CDNF: variants seen among roughly 807,000 people sequenced by gnomAD.
CDNF encodes the protein ARMET-like protein 1.
A neutral mutation model predicts 14.8 loss-of-function variants in CDNF; 9 were observed. That is an observed-to-expected ratio of 0.61 (90% CI 0.37 to 1.06). The LOEUF (loss-of-function observed/expected upper bound fraction) is 1.06, where lower values mean the gene tolerates loss of function less well. Among genes scored for constraint, CDNF ranks in the 50% least tolerant of loss-of-function variants. CDNF has a pLI of 0.01. For missense variants in CDNF, 228 were observed against 228.4 expected (o/e 1.00, Z 0.01); for synonymous variants, 86 against 87.2 (o/e 0.99, Z 0.07).
Position 14,828,128 on chromosome 10 carries a change from G to C in CDNF, c.243+17C>G, listed in dbSNP as rs1397469678. On this transcript the variant is annotated intron_variant, in intron 2 of 3. Coordinates refer to ENST00000465530, the MANE Select transcript of CDNF (RefSeq NM_001029954.3). ...CTTCAAGCACATGGGGAAAATGAAA[G>C]GTGAAATTTACTATACCAGGCGGTT... is the stretch of plus-strand genomic sequence containing the variant. 5 of 1,611,838 alleles carry C rather than the reference G, an allele frequency of 3.1e-6. No individual in the cohort carries two copies. The African/African-American group carries it at 6.7e-5, about 22-fold the overall frequency.
chr10:14,836,133 C>T (rs996621167), intron 1 of CDNF: 1 of 152,152 alleles, frequency 6.6e-6, no homozygotes, highest in African/African-American at 2.4e-5. Context: ...TATAATATGG[C>T]ATTTTAATCT....
In CDNF at chr10:14,819,847, G is replaced by T; in HGVS notation, c.*133C>A. ...TCATAAACCCACGTAACAAAATTCT[G>T]AGGAATAATACCAACACAAAAAGCA... On this transcript the variant is annotated 3_prime_UTR_variant, in exon 4 of 4. Coordinates refer to ENST00000465530, the MANE Select transcript of CDNF (RefSeq NM_001029954.3). 1 of 875,932 alleles carries T rather than the reference G, an allele frequency of 1.1e-6. No individual in the cohort carries two copies. The highest frequency in any genetic ancestry group is 1.7e-6 in the Non-Finnish European group (1 of 576,610). The allele number at this position is 875,932 out of a possible 1,614,324, so 54.3% of individuals were successfully genotyped here.
intron 2 of CDNF, among the ~76,000 whole-genome samples, chr10:14,826,101 C>CAGA (rs1833785053): frequency 3.1e-5 from 3 of 95,292 alleles, no homozygotes; most frequent in South Asian, 3.9e-4. Flanking sequence ...GAAGAAGCAG[C>CAGA]AGCAGCAGCA....
chr10:14,828,560 T>C (rs1047067992), intron 1 of CDNF, among the ~76,000 whole-genome samples: 2 of 151,962 alleles, frequency 1.3e-5, no homozygotes, highest in African/African-American at 2.4e-5. Context: ...GGCAGGAGAA[T>C]CACTTGAACC....
At chr10:14,827,544 C>G (rs1331925012) in intron 2 of CDNF, among the ~76,000 whole-genome samples, 1 of 152,154 alleles carries the variant, frequency 6.6e-6, no homozygotes, top group Non-Finnish European at 1.5e-5. Flanking sequence ...AGCCCACCCA[C>G]TCTTAGGATG....
Position 14,819,980 on chromosome 10 carries a change from T to G in CDNF, c.564A>C (p.Ter188CysextTer8), listed in dbSNP as rs763106051. ...GTCACAAATGTGCTGGCATTGGAGATCAGAGCTCTGTTTTGGGGTGTGTCG... is the reference window on the plus strand; with the variant it reads ...GTCACAAATGTGCTGGCATTGGAGAGCAGAGCTCTGTTTTGGGGTGTGTCG... Reference protein sequence around the residue: ...YAATHPKTEL* With the variant: ...YAATHPKTELC Residue 188 changes from the stop codon to cysteine (C), a stop_lost, in exon 4 of 4, where the codon TGA becomes TGC. Coordinates refer to ENST00000465530, the MANE Select transcript of CDNF (RefSeq NM_001029954.3). 6.2e-7 allele frequency: 1 copy of G among 1,612,568 alleles called. No homozygotes were observed. The highest frequency in any genetic ancestry group is 2.2e-5 in the East Asian group (1 of 44,854).
intron 2 of CDNF, among the ~76,000 whole-genome samples, chr10:14,826,014 C>CAGAAGCAGAAGAAGGAGAAGA (rs1358454554): frequency 1.1e-5 from 1 of 92,774 alleles, no homozygotes; most frequent in Admixed American, 1.1e-4. Flanking sequence ...GAAGCAGAAG[C>CAGAAGCAGAAGAAGGAGAAGA]AGAAGAAGAA....
chr10:14,820,289 C>T (rs1215824126), intron 3 of CDNF, 131 bp from the exon 4 acceptor site: 2 of 906,870 alleles, frequency 2.2e-6, no homozygotes, highest in South Asian at 1.8e-5. Flanking sequence ...GGGAAGAATT[C>T]CAGTTTCCAT....
chr10:14,837,781 T>C (rs1833906007), intron 1 of CDNF, 51 bp downstream of exon 1: 2 of 1,161,818 alleles, frequency 1.7e-6, no homozygotes, highest in Non-Finnish European at 2.5e-6. Context: ...CGACAGCTGC[T>C]GCGCCGCAGC....
At chr10:14,828,785 C>T (rs1172527696) in intron 1 of CDNF, among the ~76,000 whole-genome samples, 1 of 152,030 alleles carries the variant, frequency 6.6e-6, no homozygotes, top group African/African-American at 2.4e-5. Flanking sequence ...GCAGAAAGAT[C>T]ACTTGAGCCC....
At chr10:14,828,415 G>A (rs1160422010) in intron 1 of CDNF, 143 bp from the exon 2 acceptor site, 2 of 690,432 alleles carry the variant, frequency 2.9e-6, no homozygotes, top group East Asian at 2.6e-5. Context: ...TTGAGAGGCT[G>A]AGGTGGGCAG....
At chr10:14,834,716 CA>C (rs1833872678) in intron 1 of CDNF, among the ~76,000 whole-genome samples, 1 of 152,048 alleles carries the variant, frequency 6.6e-6, no homozygotes, top group Admixed American at 6.6e-5. Flanking sequence ...CAGAGGAGAC[CA>C]AAACAATATG....
At chr10:14,835,820 A>G (rs529496275) in intron 1 of CDNF, among the ~76,000 whole-genome samples, 13 of 152,344 alleles carry the variant, frequency 8.5e-5, no homozygotes, top group African/African-American at 3.1e-4. Flanking sequence ...AGGAAAAAGA[A>G]GAGTTAAGCA....
At chr10:14,824,093 G>A (rs907492333) in intron 3 of CDNF, among the ~76,000 whole-genome samples, 2 of 152,178 alleles carry the variant, frequency 1.3e-5, no homozygotes, top group Non-Finnish European at 2.9e-5. Context: ...AATTACTTAG[G>A]TAGTTGACAG....
In CDNF at chr10:14,838,026, G is replaced by A. The variant is rs766970459; in HGVS notation, c.-80C>T. The stretch of plus-strand genomic sequence containing the variant: ...TGCCAAAGCGAGCTGAGCAGAATTC[G>A]AGGTTGGAAAGAATCTGCCAGTAGT... On this transcript the variant is annotated 5_prime_UTR_variant, in exon 1 of 4. Coordinates refer to ENST00000465530, the MANE Select transcript of CDNF (RefSeq NM_001029954.3). 160 of 1,091,736 alleles carry A rather than the reference G, an allele frequency of 1.5e-4. No homozygotes were observed. Among genetic ancestry groups the A allele is most frequent in the Non-Finnish European group, 2.0e-4 (146 of 746,582 alleles). 67.6% of individuals were successfully genotyped at this position (1,091,736 alleles called of 1,614,324 possible).
Position 14,820,024 on chromosome 10 carries a change from G to GCT in CDNF, c.518_519dup (p.Leu174SerfsTer26). 6.2e-7 allele frequency: 1 copy of GCT among 1,614,084 alleles called. No homozygotes were observed. The highest frequency in any genetic ancestry group is 8.5e-7 in the Non-Finnish European group (1 of 1,180,030). On this transcript the variant is annotated frameshift_variant, in exon 4 of 4. Coordinates refer to ENST00000465530, the MANE Select transcript of CDNF (RefSeq NM_001029954.3). LOFTEE classifies it high-confidence loss of function. ...TGTGTCGCTGCATACTTGGGGGCCA[G>GCT]CTCTTGAATGAGATTCACATAGTCA...
intron 3 of CDNF, among the ~76,000 whole-genome samples, chr10:14,822,040 G>C (rs942000227): frequency 6.6e-6 from 1 of 152,154 alleles, no homozygotes; most frequent in Non-Finnish European, 1.5e-5. Flanking sequence ...GAATATTCTC[G>C]CTGAACCTTA....
At chr10:14,823,292 A>T (rs1438024064) in intron 3 of CDNF, among the ~76,000 whole-genome samples, 1 of 152,126 alleles carries the variant, frequency 6.6e-6, no homozygotes, top group African/African-American at 2.4e-5. Context: ...ATGCCCCAAA[A>T]CTCCAAAGTA....
intron 1 of CDNF, among the ~76,000 whole-genome samples, chr10:14,832,942 C>T (rs1452734404): frequency 6.7e-6 from 1 of 149,346 alleles, no homozygotes; most frequent in African/African-American, 2.5e-5. Context: ...TCACTGCAAC[C>T]TCCAACTCCT....
Sources: allele counts gnomAD v4.1 joint callset (sites outside exome capture counted in the v4.1 genomes callset), GRCh38; gene constraint gnomAD v4.1.1; transcripts MANE v1.5; gene names NCBI Gene and HGNC (gene_info 2026-07-23, HGNC 2026-07-21).